Variants in AGMO observed in about 807,000 individuals in gnomAD.
AGMO encodes glyceryl-ether monooxygenase.
Under a neutral mutation model 60.2 loss-of-function variants are expected in AGMO, and 75 were observed. The observed-to-expected ratio is 1.25, with a 90% CI of 1.03 to 1.51. AGMO has a LOEUF of 1.51. Among genes scored for constraint, AGMO ranks in the 40% most tolerant of loss-of-function variants. The pLI is 0.00. For missense variants in AGMO, 763 were observed against 525.5 expected, an observed-to-expected ratio of 1.45 and a Z score of -4.42; for synonymous variants, 261 against 177.1, an observed-to-expected ratio of 1.47 and a Z score of -3.76.
chr7:15,520,344 A>C (rs531637825), intron 3 of AGMO, among the ~76,000 whole-genome samples: 3 of 152,288 alleles, frequency 2.0e-5, no homozygotes, highest in Admixed American at 6.5e-5. Flanking sequence ...TGCATCAAGC[A>C]GACCTAATAG....
At chr7:15,170,636 A>C in the AGMO span, among the ~76,000 whole-genome samples, 4 of 152,216 alleles carry the variant, frequency 2.6e-5, no homozygotes, top group Non-Finnish European at 5.9e-5. Context: ...CATATACTCC[A>C]TTCCAATTTA....
chr7:15,546,323 A>G (rs76348959), intron 2 of AGMO, among the ~76,000 whole-genome samples: 2,016 of 152,308 alleles, frequency 0.013, 33 homozygotes, highest in African/African-American at 0.046. Flanking sequence ...TAAAAAACTC[A>G]ATCTCCAATT....
intron 12 of AGMO, among the ~76,000 whole-genome samples, chr7:15,226,584 A>G (rs892466495): frequency 6.6e-6 from 1 of 152,092 alleles, no homozygotes; most frequent in Admixed American, 6.6e-5. Context: ...ATGGGGTTAG[A>G]AGTACTGTTT....
chr7:15,265,981 A>G (rs377735117), intron 12 of AGMO, among the ~76,000 whole-genome samples: 2 of 152,112 alleles, frequency 1.3e-5, no homozygotes, highest in African/African-American at 2.4e-5. Context: ...TGTATGCTAC[A>G]ATATGGATGA....
At chr7:15,393,378 G>C (rs1372265528) in intron 6 of AGMO, among the ~76,000 whole-genome samples, 1 of 152,190 alleles carries the variant, frequency 6.6e-6, no homozygotes, top group Non-Finnish European at 1.5e-5. Context: ...TTGTTTGTGA[G>C]ATTTATTCAT....
chr7:15,445,872 C>T (rs913593493), intron 3 of AGMO, among the ~76,000 whole-genome samples: 8 of 152,128 alleles, frequency 5.3e-5, no homozygotes, highest in Admixed American at 1.3e-4. Context: ...CTCTCTTCTG[C>T]CACTCCAAAG....
At position 15,529,687 on chromosome 7, in the gene AGMO, G is replaced by T. The variant is rs1235590816; in HGVS notation, c.409+15085C>A. On this transcript the variant is annotated intron_variant, in intron 3 of 12. Transcript: ENST00000342526. ...ATATTCTATATATATTCTATATATA[G>T]AATATATATTCCATATATACTATAT... 3.1e-4 allele frequency among the ~76,000 whole-genome samples: 23 copies of T among 74,894 alleles called. 2 individuals carry two copies. The highest frequency in any genetic ancestry group is 6.0e-4 in the African/African-American group (11 of 18,294). The allele number at this position is 74,894 out of a possible 152,430, so 49.1% of individuals were successfully genotyped here.
chr7:15,274,314 G>GTTTTTA (rs1783713219), intron 12 of AGMO, among the ~76,000 whole-genome samples: 1 of 152,166 alleles, frequency 6.6e-6, no homozygotes, highest in African/African-American at 2.4e-5. Context: ...TTTATTGAGA[G>GTTTTTA]TTTTTAGCAT....
At chr7:15,558,111 T>G (rs1462539073) in intron 2 of AGMO, among the ~76,000 whole-genome samples, 2 of 151,970 alleles carry the variant, frequency 1.3e-5, no homozygotes, top group African/African-American at 4.8e-5. Context: ...TCTGTACCTT[T>G]TTAAAATAAC....
At chr7:15,346,325 C>A (rs62450342) in intron 12 of AGMO, among the ~76,000 whole-genome samples, 5,423 of 152,076 alleles carry the variant, frequency 0.036, 100 homozygotes, top group Admixed American at 0.052. Flanking sequence ...GAGGTAACAG[C>A]ATTATTTGGT....
chr7:15,134,745 C>A, the AGMO span, among the ~76,000 whole-genome samples: 2 of 151,982 alleles, frequency 1.3e-5, no homozygotes, highest in African/African-American at 4.8e-5. Flanking sequence ...CTGTTGTGAA[C>A]AGTGGAGTTG....
chr7:15,161,710 T>TAC, the AGMO span, among the ~76,000 whole-genome samples: 16 of 151,676 alleles, frequency 1.1e-4, no homozygotes, highest in East Asian at 1.8e-3. Context: ...TGTGTATACA[T>TAC]ACACACACAT....
At chr7:15,315,718 T>C (rs531604496) in intron 12 of AGMO, among the ~76,000 whole-genome samples, 49 of 152,124 alleles carry the variant, frequency 3.2e-4, no homozygotes, top group Non-Finnish European at 6.5e-4. Context: ...ATGAGAGATA[T>C]AAATGAGTTA....
chr7:15,224,048 A>G (rs1782001418), intron 12 of AGMO, among the ~76,000 whole-genome samples: 1 of 152,162 alleles, frequency 6.6e-6, no homozygotes, highest in African/African-American at 2.4e-5. Context: ...CAGAATTATT[A>G]TATGTGGGTA....
intron 12 of AGMO, among the ~76,000 whole-genome samples, chr7:15,241,994 T>C (rs1355893714): frequency 6.6e-6 from 1 of 152,154 alleles, no homozygotes; most frequent in Non-Finnish European, 1.5e-5. Flanking sequence ...CTCAATCTTA[T>C]AAGTATGCCA....
At chr7:15,540,011 G>A (rs949051331) in intron 3 of AGMO, among the ~76,000 whole-genome samples, 2 of 152,138 alleles carry the variant, frequency 1.3e-5, no homozygotes, top group South Asian at 4.1e-4. Flanking sequence ...CTTGAATAAG[G>A]AAAAGTTAAT....
chr7:15,502,742 C>G (rs1783419801), intron 3 of AGMO, among the ~76,000 whole-genome samples: 1 of 152,034 alleles, frequency 6.6e-6, no homozygotes, highest in Admixed American at 6.6e-5. Flanking sequence ...AAAAGCAAAT[C>G]AGGTAACGTA....
intron 3 of AGMO, among the ~76,000 whole-genome samples, chr7:15,433,839 C>T (rs1781324666): frequency 6.6e-6 from 1 of 151,628 alleles, no homozygotes; most frequent in South Asian, 2.1e-4. Flanking sequence ...TTTCTAGTGC[C>T]AAATGTAATT....
intron 3 of AGMO, among the ~76,000 whole-genome samples, chr7:15,447,686 G>A (rs921039886): frequency 2.0e-5 from 3 of 151,946 alleles, no homozygotes; most frequent in Non-Finnish European, 4.4e-5. Context: ...AGGTAGCTGG[G>A]ACTACAGACA....
Sources: allele counts gnomAD v4.1 joint callset (sites outside exome capture counted in the v4.1 genomes callset), GRCh38; gene constraint gnomAD v4.1.1; transcripts MANE v1.5; gene names NCBI Gene and HGNC (gene_info 2026-07-23, HGNC 2026-07-21).